EIF4G1: variants seen among roughly 807,000 people sequenced by gnomAD.
EIF4G1 encodes the protein EIF4-gamma.
Under a neutral mutation model 187.8 loss-of-function variants are expected in EIF4G1, and 4 were observed. The ratio of observed to expected loss-of-function variants is 0.02; its 90% CI spans 0.01 to 0.05. EIF4G1 has a LOEUF of 0.05. Ranked by LOEUF, EIF4G1 falls within the 10% of genes least tolerant of loss-of-function variation. The probability of loss-of-function intolerance (pLI) is 1.00; values close to 1 mark genes in which losing one functional copy is unlikely to be tolerated. For missense variants in EIF4G1, 1,647 were observed against 2,081.1 expected, an observed-to-expected ratio of 0.79 and a Z score of 4.06; for synonymous variants, 844 against 781.4, an observed-to-expected ratio of 1.08 and a Z score of -1.34.
In EIF4G1 at chr3:184,320,696, A is replaced by C; in HGVS notation, c.604A>C (p.Thr202Pro). The C allele has an allele frequency of 6.2e-7, 1 of 1,614,090 alleles. No homozygotes were observed. Among genetic ancestry groups the C allele is most frequent in the Non-Finnish European group, 8.5e-7 (1 of 1,179,988 alleles). ...AGAGGAGATCATGTCTGGGGCCCGCACTGCCTCCACACCCACCCCTCCCCA... is the reference window on the plus strand; with the variant it reads ...AGAGGAGATCATGTCTGGGGCCCGCCCTGCCTCCACACCCACCCCTCCCCA... ...ITEEIMSGAR[T>P]ASTPTPPQTG... is the part of the protein sequence containing the mutation. The change falls in exon 8 of 33, where the codon ACT (threonine) becomes CCT (proline). Residue 202 changes from threonine (T) to proline (P), a missense_variant. Around this residue, in one of 11 missense-constraint regions of EIF4G1, gnomAD observed 18 missense variants for 22.5 expected, o/e 0.80. Transcript: ENST00000346169.
Position 184,335,077 on chromosome 3 carries a change from G to GC in EIF4G1, c.*175dup. ...GGCAGGATGGCTTGGGGCTGCCTGG[G>GC]CCCCCCTCCAGGATGCCGCCAGGTG... On this transcript the variant is annotated 3_prime_UTR_variant, in exon 33 of 33. Coordinates refer to ENST00000346169, the MANE Select transcript of EIF4G1 (RefSeq NM_198241.3). 3 of 883,420 alleles carry GC rather than the reference G, an allele frequency of 3.4e-6. No homozygotes were observed. The highest frequency in any genetic ancestry group is 5.2e-6 in the Non-Finnish European group (3 of 575,628). The allele number at this position is 883,420 out of a possible 1,614,324, so 54.7% of individuals were successfully genotyped here.
rs776576608 is a variant in EIF4G1, at chr3:184,315,517, G to A, written c.-63G>A. ...CTCGGATGCCCAGAACCTGTAGGCC[G>A]CACCGTGGACTTGTTCTTAATCGAG... On this transcript the variant is annotated 5_prime_UTR_variant, in exon 2 of 33. Coordinates refer to ENST00000346169, the MANE Select transcript of EIF4G1 (RefSeq NM_198241.3). 9.9e-6 allele frequency: 7 copies of A among 705,254 alleles called. No homozygotes were observed. The highest frequency in any genetic ancestry group is 9.6e-5 in the South Asian group (7 of 73,234). The allele number at this position is 705,254 out of a possible 1,614,324, so 43.7% of individuals were successfully genotyped here. A position where few individuals can be genotyped will look rare whatever the true frequency, so the allele number is the denominator to read the frequency against.
At chr3:184,328,492 C>T in intron 26 of EIF4G1, 139 bp from the exon 27 acceptor site, 2 of 1,234,570 alleles carry the variant, frequency 1.6e-6, no homozygotes, top group Non-Finnish European at 2.4e-6. Flanking sequence ...CAGAGGTGGC[C>T]TTAGCTTGAA....
chr3:184,327,771 G>A, intron 25 of EIF4G1, 59 bp from the exon 26 acceptor site: 1 of 1,613,892 alleles, frequency 6.2e-7, no homozygotes, highest in Non-Finnish European at 8.5e-7. Flanking sequence ...AGGCATAGGG[G>A]TCCGGGGTCT....
rs578084172 is a variant in EIF4G1 at position 184,314,912 on chromosome 3, G to A, written c.-92+238G>A. On this transcript the variant is annotated intron_variant, in intron 1 of 32. Coordinates refer to ENST00000346169, the MANE Select transcript of EIF4G1 (RefSeq NM_198241.3). ...AGGGCCGGACTATGCGGGCCCCGCG[G>A]GCTGGTAGGGCGCCGGGTTCGTCGC... 5.1e-3 allele frequency among the ~76,000 whole-genome samples: 774 copies of A among 151,328 alleles called. 5 individuals carry two copies. Among genetic ancestry groups the A allele is most frequent in the African/African-American group, 0.018 (732 of 41,394 alleles).
intron 28 of EIF4G1, among the ~76,000 whole-genome samples, chr3:184,329,718 G>A (rs1269047525): frequency 1.3e-5 from 2 of 152,250 alleles, no homozygotes; most frequent in Non-Finnish European, 2.9e-5. Context: ...CTTAAGTACT[G>A]TGGGGTTGCA....
At chr3:184,320,357 G>C in intron 7 of EIF4G1, 12 of 1,363,258 alleles carry the variant, frequency 8.8e-6, no homozygotes, top group African/African-American at 1.5e-5. Context: ...CCACTGACTT[G>C]GGGACTGCTG....
chr3:184,317,503 G>A lies in EIF4G1; in HGVS notation c.324+6G>A. Reference sequence around the variant, plus strand: ...CCTACTACATCCCTGGACAGGTGAGGCTGGGGGCTTGGAGCCTAGAAGCCA... The same window carrying A: ...CCTACTACATCCCTGGACAGGTGAGACTGGGGGCTTGGAGCCTAGAAGCCA... On this transcript the variant is annotated splice_donor_region_variant and intron_variant, in intron 5 of 32. Coordinates refer to ENST00000346169, the MANE Select transcript of EIF4G1 (RefSeq NM_198241.3). 1 of 1,613,890 alleles carries A rather than the reference G, an allele frequency of 6.2e-7. No homozygotes were observed. The highest frequency in any genetic ancestry group is 8.5e-7 in the Non-Finnish European group (1 of 1,179,904).
At position 184,316,187 on chromosome 3, in the gene EIF4G1, C is replaced by T. The variant is rs761948659; in HGVS notation, c.116C>T (p.Thr39Ile). The T allele has an allele frequency of 1.2e-6, 2 of 1,614,128 alleles. No individual in the cohort carries two copies. The highest frequency in any genetic ancestry group is 1.7e-6 in the Non-Finnish European group (2 of 1,180,028). The stretch of plus-strand genomic sequence containing the variant: ...GTGGTGTTCAGTACGCCACAAGCGA[C>T]ACAAATGAACACGCCTTCTCAGCCC... ...APVVFSTPQA[T>I]QMNTPSQPRQ... The change falls in exon 4 of 33, where the codon ACA becomes ATA. Residue 39 changes from threonine (T) to isoleucine (I), a missense_variant. Thr to Ile is a moderately conservative substitution (Grantham distance 89, BLOSUM62 -1). Coordinates refer to ENST00000346169, the MANE Select transcript of EIF4G1 (RefSeq NM_198241.3).
rs1724248681 is a variant in EIF4G1 at position 184,323,360 on chromosome 3, T to G, written c.2089-48T>G. 6.2e-7 allele frequency: 1 copy of G among 1,613,462 alleles called. No homozygotes were observed. Among genetic ancestry groups the G allele is most frequent in the East Asian group, 2.2e-5 (1 of 44,870 alleles). ...CGTGTAGTAGTGGTGTCACATATTG[T>G]GCTGACTAGTTCCATGTCCCCTCTT... is the stretch of plus-strand genomic sequence containing the variant. On this transcript the variant is annotated intron_variant, in intron 14 of 32. Coordinates refer to ENST00000346169, the MANE Select transcript of EIF4G1 (RefSeq NM_198241.3). The surrounding 1 kb of genome is among the most constrained non-coding windows in gnomAD (Gnocchi z 6.9).
At chr3:184,316,269 A>G (rs1356415151) in intron 4 of EIF4G1, 51 bp downstream of exon 4, 1 of 1,604,332 alleles carries the variant, frequency 6.2e-7, no homozygotes, top group Non-Finnish European at 8.5e-7. Flanking sequence ...AGCAGTGGAA[A>G]GCTTTGGCCA....
At chr3:184,315,886 G>C in intron 3 of EIF4G1, 30 bp downstream of exon 3, 1 of 1,542,770 alleles carries the variant, frequency 6.5e-7, no homozygotes, top group African/African-American at 1.4e-5. Flanking sequence ...CAGGGGTGGG[G>C]GTGGGGGAGA....
intron 22 of EIF4G1, 48 bp from the exon 23 acceptor site, chr3:184,326,833 T>G (rs1242375880): frequency 1.2e-6 from 2 of 1,610,238 alleles, no homozygotes; most frequent in Admixed American, 1.7e-5. Flanking sequence ...GGGGATAAAA[T>G]GCAGGAAAGG....
At position 184,325,833 on chromosome 3, in the gene EIF4G1, C is replaced by T. The variant is rs564147627; in HGVS notation, c.3122-18C>T. ...AGGATTTATTCATTATTCCAGTATGCCCCTCTTTTTGTGTCAGGCCGTGGA... is the reference window on the plus strand; with the variant it reads ...AGGATTTATTCATTATTCCAGTATGTCCCTCTTTTTGTGTCAGGCCGTGGA... On this transcript the variant is annotated intron_variant, in intron 20 of 32. Coordinates refer to ENST00000346169, the MANE Select transcript of EIF4G1 (RefSeq NM_198241.3). The surrounding 1 kb of genome is among the most constrained non-coding windows in gnomAD (Gnocchi z 5.2). 8 of 1,613,966 alleles carry T rather than the reference C, an allele frequency of 5.0e-6. No individual in the cohort carries two copies. Among genetic ancestry groups the T allele is most frequent in the South Asian group, 4.4e-5 (4 of 91,070 alleles).
chr3:184,317,938 A>G, intron 6 of EIF4G1, 122 bp downstream of exon 6: 1 of 758,156 alleles, frequency 1.3e-6, no homozygotes, highest in Non-Finnish European at 2.3e-6. Context: ...TGATAAGGTT[A>G]ATAGGTGGTA....
Position 184,325,795 on chromosome 3 carries a change from G to A in EIF4G1, c.3122-56G>A, listed in dbSNP as rs1374108045. 1.2e-6 allele frequency: 2 copies of A among 1,612,712 alleles called. No individual in the cohort carries two copies. Among genetic ancestry groups the A allele is most frequent in the Non-Finnish European group, 1.7e-6 (2 of 1,178,714 alleles). ...AAGGGAGGCTGGGGGTGGCCCAAGG[G>A]GAAGGGGCTGCTAGGATTTATTCAT... On this transcript the variant is annotated intron_variant, in intron 20 of 32. Transcript: ENST00000346169. This position sits in a 1 kb window ranked among gnomAD's most constrained non-coding sequence, Gnocchi z 5.2.
At chr3:184,331,847 C>G (rs779591196) in intron 31 of EIF4G1, 38 bp downstream of exon 31, 1 of 1,613,966 alleles carries the variant, frequency 6.2e-7, no homozygotes, top group East Asian at 2.2e-5. Flanking sequence ...CAAGGGTGGG[C>G]CTGACAGACA....
chr3:184,324,368 G>A (rs752291397), intron 17 of EIF4G1, 21 bp downstream of exon 17: 32 of 1,613,984 alleles, frequency 2.0e-5, no homozygotes, highest in South Asian at 1.4e-4. Context: ...ACCCACTATC[G>A]ATTCCACTCA....
At chr3:184,318,428 G>A (rs1413368971) in intron 6 of EIF4G1, among the ~76,000 whole-genome samples, 1 of 152,042 alleles carries the variant, frequency 6.6e-6, no homozygotes, top group Admixed American at 6.5e-5. Flanking sequence ...ACCAGCCTGG[G>A]AAACTTAGTG....
Sources: gnomAD v4.1 joint callset for allele counts (sites outside exome capture counted in the v4.1 genomes callset) on GRCh38, gnomAD v4.1.1 for gene constraint, gnomAD v4.1.1 regional missense constraint, Gnocchi (gnomAD v3.1) non-coding constraint, MANE v1.5 for transcripts, NCBI Gene and HGNC (gene_info 2026-07-23, HGNC 2026-07-21) for gene names.